The following ABCD3 variants were observed in gnomAD, a reference collection of about 807,000 sequenced individuals.
ABCD3 encodes the protein ATP-binding cassette sub-family D member 3.
In ABCD3, 41 loss-of-function variants were observed where a neutral mutation model predicts 105.5. The observed-to-expected ratio is 0.39, with a 90% CI of 0.30 to 0.50. ABCD3 has a LOEUF of 0.50. Ranked by LOEUF, ABCD3 falls within the 20% of genes least tolerant of loss-of-function variation. The pLI, the probability that ABCD3 is intolerant of heterozygous loss-of-function variation, is 0.84. For synonymous variants in ABCD3, 258 were observed against 269.0 expected (o/e 0.96, Z 0.40); for missense variants, 622 against 806.3 (o/e 0.77, Z 2.77).
At chr1:94,505,814 G>A (rs377440577) in intron 20 of ABCD3, among the ~76,000 whole-genome samples, 1 of 152,112 alleles carries the variant, frequency 6.6e-6, no homozygotes, top group Admixed American at 6.6e-5. Context: ...AGAGAATGTT[G>A]CAGAGAAGGT....
rs1285271314 is a variant in ABCD3 at position 94,515,213 on chromosome 1, C to T, written c.1902+11C>T. On this transcript the variant is annotated intron_variant, in intron 22 of 22. Coordinates refer to ENST00000370214, the MANE Select transcript of ABCD3 (RefSeq NM_002858.4). ...TGGAAACATCATGAGGTTTGTATTT[C>T]TTTCATTGAATGGTACAGTGAAATT... 6.3e-7 allele frequency: 1 copy of T among 1,599,244 alleles called. No individual in the cohort carries two copies. Among genetic ancestry groups the T allele is most frequent in the South Asian group, 1.1e-5 (1 of 90,800 alleles).
chr1:94,390,221 C>G, the ABCD3 span, among the ~76,000 whole-genome samples: 14 of 152,262 alleles, frequency 9.2e-5, no homozygotes, highest in South Asian at 2.9e-3. Flanking sequence ...CCATAGAGTT[C>G]CTGTAGGGGT....
chr1:94,464,755 G>GC lies in ABCD3; in HGVS notation c.148-19dup, dbSNP rs767529777. 1 of 1,593,812 alleles carries GC rather than the reference G, an allele frequency of 6.3e-7. No homozygotes were observed. Among genetic ancestry groups the GC allele is most frequent in the South Asian group, 1.1e-5 (1 of 90,668 alleles). On this transcript the variant is annotated intron_variant, in intron 2 of 22. Transcript: ENST00000370214. ...TGTTTGTTATAGCTATCTTAAAAGG[G>GC]CTTCTTTTTTTTAATGCAGAAAGAG...
At chr1:94,447,634 A>T (rs1255463331) in intron 1 of ABCD3, among the ~76,000 whole-genome samples, 1 of 152,242 alleles carries the variant, frequency 6.6e-6, no homozygotes, top group South Asian at 2.1e-4. Flanking sequence ...TACATTATTC[A>T]TTATATGGAC....
upstream of ABCD3, among the ~76,000 whole-genome samples, chr1:94,418,217 C>T (rs1242082042): frequency 1.3e-5 from 2 of 152,196 alleles, no homozygotes; most frequent in Non-Finnish European, 2.9e-5. Flanking sequence ...TCCGGAGACC[C>T]TGAAGGAGTC....
chr1:94,457,005 C>A (rs1647606623), intron 1 of ABCD3, among the ~76,000 whole-genome samples: 1 of 152,086 alleles, frequency 6.6e-6, no homozygotes, highest in Non-Finnish European at 1.5e-5. Context: ...ATTAGTGATG[C>A]TGAGCATTTT....
At chr1:94,412,207 T>C in the ABCD3 span, among the ~76,000 whole-genome samples, 1 of 152,168 alleles carries the variant, frequency 6.6e-6, no homozygotes, top group African/African-American at 2.4e-5. Flanking sequence ...ATTCACATGG[T>C]TAAAAACTTA....
At chr1:94,464,728 T>TA in intron 2 of ABCD3, 47 bp from the exon 3 acceptor site, 1 of 1,454,774 alleles carries the variant, frequency 6.9e-7, no homozygotes, top group Admixed American at 1.7e-5. Context: ...AATTTTATGA[T>TA]ATGTTTGTTA....
At chr1:94,392,269 A>G in the ABCD3 span, among the ~76,000 whole-genome samples, 1 of 152,240 alleles carries the variant, frequency 6.6e-6, no homozygotes, top group Non-Finnish European at 1.5e-5. Flanking sequence ...TTAAAAGCCA[A>G]TGCACAGTCT....
In ABCD3 at chr1:94,483,220, A is replaced by T. The variant is rs1302169997; in HGVS notation, c.878A>T (p.His293Leu). 8 of 1,613,202 alleles carry T rather than the reference A, an allele frequency of 5.0e-6. 1 individual carries two copies. The Admixed American group carries it at 1.2e-4, about 24-fold the overall frequency. ...AATAAAAGAGAAAAGCAGACAGTCC[A>T]CTCAGTCTTCCGAAAACTGGTAAGA... ...NGNKREKQTVHSVFRKLVEHL... is the reference protein window; with the variant it reads ...NGNKREKQTVLSVFRKLVEHL... The change falls in exon 10 of 23, where the codon CAC becomes CTC. Residue 293 changes from histidine to leucine, a missense_variant. Around this residue, in one of 4 missense-constraint regions of ABCD3, gnomAD observed 245 missense variants for 356.4 expected, o/e 0.69. Transcript: ENST00000370214.
chr1:94,443,577 T>C (rs1430923956), intron 1 of ABCD3, among the ~76,000 whole-genome samples: 1 of 152,240 alleles, frequency 6.6e-6, no homozygotes, highest in East Asian at 1.9e-4. Context: ...AAACAAGTTA[T>C]AAGATGTGCT....
chr1:94,503,539 CCTT>C (rs1484645791), intron 20 of ABCD3, among the ~76,000 whole-genome samples: 1 of 152,128 alleles, frequency 6.6e-6, no homozygotes, highest in African/African-American at 2.4e-5. Context: ...CTCTTCTAGT[CCTT>C]CTCTTGTGGA....
chr1:94,506,304 A>C lies in ABCD3; in HGVS notation c.1741-234A>C, dbSNP rs533414383. On this transcript the variant is annotated intron_variant, in intron 20 of 22. Coordinates refer to ENST00000370214, the MANE Select transcript of ABCD3 (RefSeq NM_002858.4). ...TCATCAGTCTTAAGGTTTGTGTTTT[A>C]CTCTGAGCAATTAGTATTTCCCATG... Among the ~76,000 whole-genome samples the C allele has an allele frequency of 2.6e-4, 40 of 152,192 alleles. No individual in the cohort carries two copies. In the South Asian group the frequency reaches 8.1e-3, roughly 31 times the overall value.
At chr1:94,447,578 T>C (rs1660404041) in intron 1 of ABCD3, among the ~76,000 whole-genome samples, 1 of 152,236 alleles carries the variant, frequency 6.6e-6, no homozygotes. Context: ...GCCAGACTTA[T>C]GTAGAGCAAG....
chr1:94,488,511 A>G (rs1649377475), intron 13 of ABCD3, among the ~76,000 whole-genome samples: 1 of 152,106 alleles, frequency 6.6e-6, no homozygotes, highest in South Asian at 2.1e-4. Flanking sequence ...TTAAGATTTC[A>G]GTATTTCAAT....
chr1:94,393,675 G>A, the ABCD3 span, among the ~76,000 whole-genome samples: 2 of 151,812 alleles, frequency 1.3e-5, no homozygotes, highest in African/African-American at 4.8e-5. Context: ...AAAGAAGATT[G>A]CGACTGAAGA....
chr1:94,407,440 GTCTT>G, the ABCD3 span, among the ~76,000 whole-genome samples: 5 of 152,318 alleles, frequency 3.3e-5, no homozygotes, highest in African/African-American at 4.8e-5. Context: ...CACAAGGGGT[GTCTT>G]TCTATTTGCT....
chr1:94,499,710 G>C, intron 20 of ABCD3, 96 bp downstream of exon 20: 1 of 1,489,276 alleles, frequency 6.7e-7, no homozygotes, highest in South Asian at 1.2e-5. Context: ...TTTTTATTCA[G>C]CAGCTGTTTC....
At chr1:94,475,926 T>G (rs1222252896) in intron 7 of ABCD3, among the ~76,000 whole-genome samples, 189 bp downstream of exon 7, 1 of 152,168 alleles carries the variant, frequency 6.6e-6, no homozygotes, top group Non-Finnish European at 1.5e-5. Flanking sequence ...TGTGAGGTAC[T>G]TTGGCAAAGA....
Sources: allele counts gnomAD v4.1 joint callset (sites outside exome capture counted in the v4.1 genomes callset), GRCh38; gene constraint gnomAD v4.1.1; regional missense constraint gnomAD v4.1.1; transcripts MANE v1.5; gene names NCBI Gene and HGNC (gene_info 2026-07-23, HGNC 2026-07-21).